SLC39A10: variants seen among roughly 807,000 people sequenced by gnomAD.
SLC39A10 encodes the protein solute carrier family 39 member 10.
Under a neutral mutation model 65.1 loss-of-function variants are expected in SLC39A10, and 13 were observed. The ratio of observed to expected loss-of-function variants is 0.20; its 90% CI spans 0.13 to 0.32. The LOEUF (loss-of-function observed/expected upper bound fraction) is 0.32, where lower values mean the gene tolerates loss of function less well. SLC39A10 is among the 10% of genes least tolerant of loss of function. The pLI is 1.00. For missense variants in SLC39A10, 831 were observed against 1,018.4 expected (o/e 0.82, Z 2.50); for synonymous variants, 321 against 342.2 (o/e 0.94, Z 0.68).
chr2:195,678,458 C>A (rs773873402), intron 1 of SLC39A10, among the ~76,000 whole-genome samples: 12 of 151,192 alleles, frequency 7.9e-5, no homozygotes, highest in Non-Finnish European at 1.6e-4. Context: ...TTCATTGGGT[C>A]GTCTTATTGT....
chr2:195,716,834 A>G lies in SLC39A10; in HGVS notation c.1894A>G (p.Asn632Asp). Residue 632 changes from asparagine (N) to aspartate (D), a missense_variant, in exon 7 of 10, where the codon AAC becomes GAC. Asn to Asp is a conservative substitution (Grantham distance 23, BLOSUM62 1). Coordinates refer to ENST00000359634, the MANE Select transcript of SLC39A10 (RefSeq NM_020342.3). ...TGCTGCACATAACCACCACGGCGAGAACAAAACTGTGCTGAGGAAGCATAA... is the reference window on the plus strand; with the variant it reads ...TGCTGCACATAACCACCACGGCGAGGACAAAACTGTGCTGAGGAAGCATAA... ...HAAAHNHHGE[N>D]KTVLRKHNHQ... The G allele has an allele frequency of 6.2e-7, 1 of 1,614,176 alleles. No homozygotes were observed. Among genetic ancestry groups the G allele is most frequent in the Non-Finnish European group, 8.5e-7 (1 of 1,180,018 alleles).
At chr2:195,705,438 C>G (rs376715927) in intron 3 of SLC39A10, among the ~76,000 whole-genome samples, 7 of 152,138 alleles carry the variant, frequency 4.6e-5, no homozygotes, top group African/African-American at 1.2e-4. Flanking sequence ...GTTAACATTA[C>G]TGGATATTGT....
At position 195,736,889 on chromosome 2, in the gene SLC39A10, T is replaced by TATC. The variant is rs1269700649; in HGVS notation, c.*1849_*1851dup. On this transcript the variant is annotated 3_prime_UTR_variant, in exon 10 of 10. Transcript: ENST00000359634. ...ACTTCAAGTGATTTAGATATCTATCTATCTAGATTTCTGAACCAAGATATA... is the reference window on the plus strand; with the variant it reads ...ACTTCAAGTGATTTAGATATCTATCTATCATCTAGATTTCTGAACCAAGATATA... 3.3e-5 allele frequency: 5 copies of TATC among 152,660 alleles called. No individual in the cohort carries two copies. Among genetic ancestry groups the TATC allele is most frequent in the African/African-American group, 1.2e-4 (5 of 41,560 alleles). The allele number at this position is 152,660 out of a possible 1,614,324, so 9.5% of individuals were successfully genotyped here. A position where few individuals can be genotyped will look rare whatever the true frequency, so the allele number is the denominator to read the frequency against.
chr2:195,613,359 C>T (rs982956976), intron 2 of SLC39A10, among the ~76,000 whole-genome samples: 2 of 152,076 alleles, frequency 1.3e-5, no homozygotes, highest in African/African-American at 4.8e-5. Flanking sequence ...TTCTCATTTC[C>T]TTTGTTACTA....
chr2:195,669,219 T>C (rs1373292814), intron 1 of SLC39A10, among the ~76,000 whole-genome samples: 1 of 152,210 alleles, frequency 6.6e-6, no homozygotes, highest in Non-Finnish European at 1.5e-5. Context: ...TGTCTTGGTT[T>C]TTTCTATTGA....
chr2:195,706,721 C>T lies in SLC39A10; in HGVS notation c.1322C>T (p.Thr441Ile), dbSNP rs183218430. 13 of 1,606,584 alleles carry T rather than the reference C, an allele frequency of 8.1e-6. No individual in the cohort carries two copies. The East Asian group carries it at 2.5e-4, about 31-fold the overall frequency. ...INQGCFKFLL[T>I]FLVALAVGTM... ...CAAGGATGCTTCAAATTCCTTCTTA[C>T]ATTCCTTGTTGCATTAGCTGTAGGA... is the stretch of plus-strand genomic sequence containing the variant. Residue 441 changes from threonine (T) to isoleucine (I), a missense_variant, in exon 4 of 10, where the codon ACA becomes ATA. Transcript: ENST00000359634.
At chr2:195,685,797 G>C (rs1011036952) in intron 3 of SLC39A10, among the ~76,000 whole-genome samples, 1 of 152,102 alleles carries the variant, frequency 6.6e-6, no homozygotes, top group African/African-American at 2.4e-5. Flanking sequence ...GACTTTAGTT[G>C]CTTTAATACA....
chr2:195,686,544 G>A (rs1690534581), intron 3 of SLC39A10, among the ~76,000 whole-genome samples: 2 of 152,130 alleles, frequency 1.3e-5, no homozygotes, highest in South Asian at 2.1e-4. Context: ...GTGAGACTCC[G>A]TCTCAAAACA....
intron 1 of SLC39A10, among the ~76,000 whole-genome samples, chr2:195,663,509 GTAA>G (rs917985953): frequency 8.5e-5 from 13 of 152,052 alleles, no homozygotes; most frequent in Admixed American, 2.0e-4. Context: ...GTAAGAAAAC[GTAA>G]TAATAAGATA....
intron 2 of SLC39A10, among the ~76,000 whole-genome samples, chr2:195,648,538 C>G (rs921503188): frequency 6.6e-6 from 1 of 152,148 alleles, no homozygotes; most frequent in Admixed American, 6.6e-5. Flanking sequence ...ATTAGCCAGG[C>G]ATGGTGGTGC....
At chr2:195,693,066 G>T (rs746848972) in intron 3 of SLC39A10, among the ~76,000 whole-genome samples, 8 of 152,104 alleles carry the variant, frequency 5.3e-5, no homozygotes, top group Non-Finnish European at 1.0e-4. Context: ...TGCTTTTTCT[G>T]CATCTATCAA....
At chr2:195,636,603 AT>A (rs1362669760) in intron 2 of SLC39A10, among the ~76,000 whole-genome samples, 1 of 152,102 alleles carries the variant, frequency 6.6e-6, no homozygotes, top group Non-Finnish European at 1.5e-5. Context: ...AACAAAAAAA[AT>A]TAGTTGGGCG....
intron 3 of SLC39A10, among the ~76,000 whole-genome samples, chr2:195,696,738 G>C (rs1690977599): frequency 6.6e-6 from 1 of 151,346 alleles, no homozygotes; most frequent in Admixed American, 6.6e-5. Context: ...TCAACAGTAT[G>C]TTATATCTAT....
At chr2:195,730,202 T>C (rs1057367716) in intron 9 of SLC39A10, among the ~76,000 whole-genome samples, 1 of 152,156 alleles carries the variant, frequency 6.6e-6, no homozygotes, top group Non-Finnish European at 1.5e-5. Context: ...AAATTAACCA[T>C]TGACCATGGC....
chr2:195,724,433 T>C (rs1262040462), intron 8 of SLC39A10, among the ~76,000 whole-genome samples: 1 of 152,134 alleles, frequency 6.6e-6, no homozygotes, highest in African/African-American at 2.4e-5. Context: ...GCAGATACCT[T>C]TGAGAATTTA....
intron 1 of SLC39A10, among the ~76,000 whole-genome samples, chr2:195,673,060 A>T (rs1689931456): frequency 6.6e-6 from 1 of 152,114 alleles, no homozygotes; most frequent in Non-Finnish European, 1.5e-5. Flanking sequence ...TCTCAAACTT[A>T]ATGCTGCTTT....
chr2:195,678,943 C>T (rs1690199073), intron 1 of SLC39A10, among the ~76,000 whole-genome samples: 1 of 151,904 alleles, frequency 6.6e-6, no homozygotes, highest in Non-Finnish European at 1.5e-5. Flanking sequence ...ACATAATTGG[C>T]TCTTATTATA....
chr2:195,667,760 CAG>C (rs1287871675), intron 1 of SLC39A10, among the ~76,000 whole-genome samples: 3 of 152,146 alleles, frequency 2.0e-5, no homozygotes, highest in Non-Finnish European at 2.9e-5. Flanking sequence ...GAACTAGAGA[CAG>C]AGGTTTCTGA....
chr2:195,711,068 A>G (rs1476028598), intron 5 of SLC39A10, among the ~76,000 whole-genome samples: 1 of 152,220 alleles, frequency 6.6e-6, no homozygotes, highest in Admixed American at 6.5e-5. Flanking sequence ...AGTTGATTAG[A>G]TGTAAGACAT....
Sources: allele counts gnomAD v4.1 joint callset (sites outside exome capture counted in the v4.1 genomes callset), GRCh38; gene constraint gnomAD v4.1.1; transcripts MANE v1.5; gene names NCBI Gene and HGNC (gene_info 2026-07-23, HGNC 2026-07-21).